Variants in DTL observed in about 807,000 individuals in gnomAD.
DTL encodes denticleless protein homolog.
In DTL, 46 loss-of-function variants were observed where a neutral mutation model predicts 87.0. That is an observed-to-expected ratio of 0.53 (90% CI 0.42 to 0.68). DTL has a LOEUF of 0.68. Among genes scored for constraint, DTL ranks in the 30% least tolerant of loss-of-function variants. DTL has a pLI of 0.00. For synonymous variants in DTL, 308 were observed against 311.2 expected, an observed-to-expected ratio of 0.99 and a Z score of 0.11; for missense variants, 737 against 869.4, an observed-to-expected ratio of 0.85 and a Z score of 1.91.
At chr1:212,066,956 C>A in intron 8 of DTL, 71 bp downstream of exon 8, 1 of 1,284,536 alleles carries the variant, frequency 7.8e-7, no homozygotes, top group Non-Finnish European at 1.1e-6. Context: ...GTCACATAGT[C>A]TCATTATAAT....
intron 13 of DTL, among the ~76,000 whole-genome samples, chr1:212,093,548 C>T (rs757936145): frequency 1.3e-5 from 2 of 152,204 alleles, no homozygotes; most frequent in African/African-American, 4.8e-5. Flanking sequence ...GGGCCCTTGG[C>T]GGCCCCAGTT....
intron 13 of DTL, among the ~76,000 whole-genome samples, chr1:212,093,692 GT>G (rs1382953878): frequency 1.3e-5 from 2 of 152,156 alleles, no homozygotes; most frequent in African/African-American, 4.8e-5. Context: ...CCAGCCACTT[GT>G]GTCTTTCTCT....
chr1:212,068,785 T>C (rs1232744380), intron 10 of DTL, 82 bp downstream of exon 10: 1 of 861,224 alleles, frequency 1.2e-6, no homozygotes, highest in Non-Finnish European at 1.9e-6. Flanking sequence ...TGGGCTTTCT[T>C]CTAAACTGAA....
intron 9 of DTL, 91 bp downstream of exon 9, chr1:212,068,418 AT>A: frequency 1.0e-6 from 1 of 960,948 alleles, no homozygotes; most frequent in Admixed American, 2.7e-5. Flanking sequence ...GATATGAAAA[AT>A]TCTAATATGT....
rs745705190 is a variant in DTL, at chr1:212,035,904, C to T, written c.14C>T (p.Ser5Leu). 3 of 1,614,120 alleles carry T rather than the reference C, an allele frequency of 1.9e-6. No homozygotes were observed. The highest frequency in any genetic ancestry group is 1.1e-5 in the South Asian group (1 of 91,082). The change falls in exon 1 of 15, where the codon TCG becomes TTG. Residue 5 changes from serine to leucine, a missense_variant. Coordinates refer to ENST00000366991, the MANE Select transcript of DTL (RefSeq NM_016448.4). MLFN[S>L]VLRQPQLGVL... ...CCTCCGACCCTGATGCTCTTCAATT[C>T]GGTGCTCCGCCAGCCCCAGCTTGGC...
At chr1:212,051,337 T>A (rs1042469186) in intron 5 of DTL, among the ~76,000 whole-genome samples, 1 of 152,034 alleles carries the variant, frequency 6.6e-6, no homozygotes, top group East Asian at 1.9e-4. Flanking sequence ...TAACTTTTCT[T>A]ATAGTGTGAG....
At position 212,068,606 on chromosome 1, in the gene DTL, A is replaced by G. The variant is rs74378223; in HGVS notation, c.825A>G (p.Ser275=). 3,439 of 1,609,206 alleles carry G rather than the reference A, an allele frequency of 2.1e-3. 4 individuals are homozygous for G. The highest frequency in any genetic ancestry group is 2.7e-3 in the Non-Finnish European group (3,173 of 1,175,944). The change falls in exon 10 of 15, where the codon TCA becomes TCG. Residue 275 remains serine, a synonymous_variant. Coordinates refer to ENST00000366991, the MANE Select transcript of DTL (RefSeq NM_016448.4). ...TAAGTTTCCTTTTTCCAGGATATTC[A>G]AGTCTGATTTTGGATTCCACTGGCT... ...PGSSTRKLGY[S]SLILDSTGST...
chr1:212,063,713 T>G (rs916139838), intron 6 of DTL, among the ~76,000 whole-genome samples: 2 of 152,208 alleles, frequency 1.3e-5, no homozygotes, highest in African/African-American at 2.4e-5. Context: ...TTTTTGTGTC[T>G]GCATTTTAAA....
chr1:212,069,079 C>G (rs966898180), intron 10 of DTL, among the ~76,000 whole-genome samples: 1 of 152,070 alleles, frequency 6.6e-6, no homozygotes, highest in African/African-American at 2.4e-5. Context: ...TTTCATACCC[C>G]CAAAATAGTT....
chr1:212,045,042 G>A (rs114326870), intron 3 of DTL, among the ~76,000 whole-genome samples: 304 of 152,298 alleles, frequency 2.0e-3, no homozygotes, highest in African/African-American at 6.6e-3. Context: ...GTACTACCAA[G>A]CTCTTTTTTA....
intron 13 of DTL, chr1:212,099,381 A>T (rs1156752620): frequency 6.6e-6 from 1 of 152,338 alleles, no homozygotes; most frequent in Non-Finnish European, 1.5e-5. Flanking sequence ...CTACAGGTGC[A>T]CACCACCATG....
At chr1:212,079,142 A>G (rs1305551061) in intron 12 of DTL, among the ~76,000 whole-genome samples, 2 of 151,762 alleles carry the variant, frequency 1.3e-5, no homozygotes. Flanking sequence ...GCTCAACTTC[A>G]TGGCAGACCT....
At chr1:212,080,147 A>G (rs1654948258) in intron 12 of DTL, among the ~76,000 whole-genome samples, 1 of 152,200 alleles carries the variant, frequency 6.6e-6, no homozygotes, top group Non-Finnish European at 1.5e-5. Flanking sequence ...GTCACAGCCT[A>G]CTAGAGTCAT....
At chr1:212,048,626 TATC>T (rs1571943527) in intron 5 of DTL, among the ~76,000 whole-genome samples, 1 of 152,250 alleles carries the variant, frequency 6.6e-6, no homozygotes, top group African/African-American at 2.4e-5. Flanking sequence ...GGGAAAAACT[TATC>T]AGTGGTGTCT....
chr1:212,054,898 A>T (rs2102539608), intron 5 of DTL, among the ~76,000 whole-genome samples: 1 of 152,294 alleles, frequency 6.6e-6, no homozygotes, highest in South Asian at 2.1e-4. Flanking sequence ...TTCCAACAAA[A>T]GGGGAAAAAT....
rs188248665 is a variant in DTL, at chr1:212,041,567, G to A, written c.53-1426G>A. On this transcript the variant is annotated intron_variant, in intron 1 of 14. Transcript: ENST00000366991. ...GTTGCCCAGGCTGGAGTGCAGTGGC[G>A]AGGTCTCAGCTCGCGGCACGCTCCG... Among the ~76,000 whole-genome samples the A allele has an allele frequency of 6.6e-5, 10 of 152,048 alleles. No individual in the cohort carries two copies. In the East Asian group the frequency reaches 1.7e-3, roughly 26 times the overall value.
At chr1:212,061,840 A>G (rs6670844) in intron 5 of DTL, among the ~76,000 whole-genome samples, 36,354 of 152,116 alleles carry the variant, frequency 0.24, 4,723 homozygotes, top group East Asian at 0.54. Context: ...ATAAATAACC[A>G]GAGGCTGGAA....
intron 10 of DTL, among the ~76,000 whole-genome samples, chr1:212,070,041 A>C (rs749752839): frequency 6.6e-5 from 10 of 152,184 alleles, no homozygotes; most frequent in South Asian, 4.1e-4. Flanking sequence ...TCCTTAATGG[A>C]ATCTGAGCTT....
chr1:212,081,444 C>T (rs1030996665), intron 13 of DTL, among the ~76,000 whole-genome samples: 6 of 152,180 alleles, frequency 3.9e-5, no homozygotes, highest in African/African-American at 1.4e-4. Context: ...GAGACTTTGG[C>T]TTTTATTTTG....
Sources: gnomAD v4.1 joint callset for allele counts (sites outside exome capture counted in the v4.1 genomes callset) on GRCh38, gnomAD v4.1.1 for gene constraint, MANE v1.5 for transcripts, NCBI Gene and HGNC (gene_info 2026-07-23, HGNC 2026-07-21) for gene names.